MAML2: variants seen among roughly 807,000 people sequenced by gnomAD.
MAML2 encodes mastermind-like protein 2.
MAML2 carries 22 observed loss-of-function variants against 96.1 expected under a neutral mutation model. The ratio of observed to expected loss-of-function variants is 0.23; its 90% confidence interval spans 0.16 to 0.33. The LOEUF is 0.33. Among genes scored for constraint, MAML2 ranks in the 10% least tolerant of loss-of-function variants. MAML2 has a pLI of 1.00. For synonymous variants in MAML2, 561 were observed against 521.3 expected, an observed-to-expected ratio of 1.08 and a Z score of -1.04; for missense variants, 1,367 against 1,392.4, an observed-to-expected ratio of 0.98 and a Z score of 0.29.
At chr11:96,008,679 C>A (rs576054583) in intron 2 of MAML2, among the ~76,000 whole-genome samples, 1 of 152,248 alleles carries the variant, frequency 6.6e-6, no homozygotes, top group East Asian at 1.9e-4. Flanking sequence ...GAACTTGGGC[C>A]AAGCATGAGA....
At position 96,059,841 on chromosome 11, in the gene MAML2, C is replaced by T. The variant is rs147661521; in HGVS notation, c.2139+32051G>A. 6.7e-4 allele frequency among the ~76,000 whole-genome samples: 102 copies of T among 152,222 alleles called. 1 individual carries two copies. Among genetic ancestry groups the T allele is most frequent in the African/African-American group, 2.3e-3 (95 of 41,524 alleles). ...CATGGGATAGACATTTTCCTAGTCA[C>T]GAAGTACTTAAGGATGGAAGAAAAG... is the stretch of plus-strand genomic sequence containing the variant. On this transcript the variant is annotated intron_variant, in intron 2 of 4. Coordinates refer to ENST00000524717, the MANE Select transcript of MAML2 (RefSeq NM_032427.4).
At chr11:96,072,345 T>C (rs1367306492) in intron 2 of MAML2, among the ~76,000 whole-genome samples, 1 of 152,210 alleles carries the variant, frequency 6.6e-6, no homozygotes, top group African/African-American at 2.4e-5. Flanking sequence ...ACTCGAATTC[T>C]AGAGATTCAC....
At chr11:96,057,684 G>C (rs1318602035) in intron 2 of MAML2, among the ~76,000 whole-genome samples, 1 of 152,090 alleles carries the variant, frequency 6.6e-6, no homozygotes, top group East Asian at 1.9e-4. Flanking sequence ...CATCTATTTG[G>C]CTTTGGCAGA....
chr11:96,024,164 TTC>T (rs1206519748), intron 2 of MAML2, among the ~76,000 whole-genome samples: 1 of 152,236 alleles, frequency 6.6e-6, no homozygotes, highest in Non-Finnish European at 1.5e-5. Flanking sequence ...ATTAAAAATT[TTC>T]TCTCAGGGAA....
chr11:96,113,999 C>T (rs1276873775), intron 1 of MAML2, among the ~76,000 whole-genome samples: 2 of 145,086 alleles, frequency 1.4e-5, no homozygotes, highest in African/African-American at 5.2e-5. Context: ...ACTGACATAC[C>T]ATCTCCAGAG....
At chr11:96,282,818 T>C (rs943969686) in intron 1 of MAML2, among the ~76,000 whole-genome samples, 1 of 152,188 alleles carries the variant, frequency 6.6e-6, no homozygotes, top group African/African-American at 2.4e-5. Context: ...GCAAATAATC[T>C]TCAAAAATTG....
At chr11:96,051,962 C>T (rs1465828107) in intron 2 of MAML2, among the ~76,000 whole-genome samples, 4 of 152,068 alleles carry the variant, frequency 2.6e-5, no homozygotes, top group South Asian at 4.2e-4. Flanking sequence ...TCAAGGATTC[C>T]GTTTAGAAAC....
Position 95,977,779 on chromosome 11 carries a change from T to C in MAML2, c.*1169A>G, listed in dbSNP as rs1243827305. ...AGGGACAAAAGAACAAACAGAATGC[T>C]CCTAACAGACCACATTCCATTTTGT... On this transcript the variant is annotated 3_prime_UTR_variant, in exon 5 of 5. Transcript: ENST00000524717. 1.3e-5 allele frequency: 3 copies of C among 225,172 alleles called. No individual in the cohort carries two copies. The highest frequency in any genetic ancestry group is 2.7e-5 in the Non-Finnish European group (3 of 112,968). 13.9% of individuals were successfully genotyped at this position (225,172 alleles called of 1,614,324 possible). A position where few individuals can be genotyped will look rare whatever the true frequency, so the allele number is the denominator to read the frequency against.
At chr11:96,056,138 C>A (rs1218744744) in intron 2 of MAML2, among the ~76,000 whole-genome samples, 1 of 152,126 alleles carries the variant, frequency 6.6e-6, no homozygotes, top group Non-Finnish European at 1.5e-5. Flanking sequence ...AAGGATGGAA[C>A]CAAATTACTT....
chr11:96,281,987 T>C (rs1047353500), intron 1 of MAML2, among the ~76,000 whole-genome samples: 3 of 152,136 alleles, frequency 2.0e-5, no homozygotes, highest in Non-Finnish European at 2.9e-5. Flanking sequence ...CGGTGGCTCA[T>C]GCCTGTAATC....
intron 1 of MAML2, among the ~76,000 whole-genome samples, chr11:96,311,708 A>T (rs1369674041): frequency 6.6e-6 from 1 of 152,234 alleles, no homozygotes; most frequent in Non-Finnish European, 1.5e-5. Context: ...TAACTTTGTT[A>T]TAATAGGGAG....
At position 96,341,903 on chromosome 11, in the gene MAML2, G is replaced by A. The variant is rs1470835918; in HGVS notation, c.-8C>T. On this transcript the variant is annotated 5_prime_UTR_variant, in exon 1 of 5. Coordinates refer to ENST00000524717, the MANE Select transcript of MAML2 (RefSeq NM_032427.4). ...GGGCGCTGTGTCCCCCATCTTACCG[G>A]ACACAATGATTGCTGCCTCTGGGAT... is the stretch of plus-strand genomic sequence containing the variant. The A allele has an allele frequency of 1.3e-6, 2 of 1,507,160 alleles. No homozygotes were observed. Among genetic ancestry groups the A allele is most frequent in the Admixed American group, 2.2e-5 (1 of 45,704 alleles). 93.4% of individuals were successfully genotyped at this position (1,507,160 alleles called of 1,614,324 possible). A position where few individuals can be genotyped will look rare whatever the true frequency, so the allele number is the denominator to read the frequency against.
At chr11:96,310,319 T>G (rs1267774735) in intron 1 of MAML2, among the ~76,000 whole-genome samples, 1 of 152,206 alleles carries the variant, frequency 6.6e-6, no homozygotes, top group African/African-American at 2.4e-5. Context: ...AAACAAACTT[T>G]TAGATTCATT....
chr11:96,336,563 C>A (rs1863923434), intron 1 of MAML2, among the ~76,000 whole-genome samples: 1 of 152,088 alleles, frequency 6.6e-6, no homozygotes, highest in Non-Finnish European at 1.5e-5. Context: ...CATTGCCCTG[C>A]CTGTGAACAT....
intron 2 of MAML2, among the ~76,000 whole-genome samples, chr11:96,064,308 T>C (rs983030870): frequency 6.6e-6 from 1 of 152,206 alleles, no homozygotes; most frequent in African/African-American, 2.4e-5. Flanking sequence ...TGGCCATTGG[T>C]CAAGTCCGCT....
chr11:96,333,856 G>T (rs138306801), intron 1 of MAML2, among the ~76,000 whole-genome samples: 3 of 152,282 alleles, frequency 2.0e-5, no homozygotes, highest in South Asian at 2.1e-4. Flanking sequence ...TGGTAAGTTT[G>T]TCTATTTGGT....
intron 1 of MAML2, among the ~76,000 whole-genome samples, chr11:96,152,896 G>A (rs2135879565): frequency 6.6e-6 from 1 of 152,284 alleles, no homozygotes; most frequent in Middle Eastern, 3.4e-3. Flanking sequence ...TCACAGATTG[G>A]ATGCAAGCAA....
chr11:96,332,437 G>A (rs1252031553), intron 1 of MAML2, among the ~76,000 whole-genome samples: 1 of 152,198 alleles, frequency 6.6e-6, no homozygotes, highest in East Asian at 1.9e-4. Flanking sequence ...GGGGGACTGA[G>A]CCTGCAAACA....
At chr11:96,341,223 C>T (rs190614952) in intron 1 of MAML2, among the ~76,000 whole-genome samples, 160 bp downstream of exon 1, 3 of 152,258 alleles carry the variant, frequency 2.0e-5, no homozygotes, top group East Asian at 3.9e-4. Context: ...GATGAGTAGG[C>T]GCATGAAACC....
Sources: gnomAD v4.1 joint callset for allele counts (sites outside exome capture counted in the v4.1 genomes callset) on GRCh38, gnomAD v4.1.1 for gene constraint, MANE v1.5 for transcripts, NCBI Gene and HGNC (gene_info 2026-07-23, HGNC 2026-07-21) for gene names.